RUNX1: variants seen among roughly 807,000 people sequenced by gnomAD.
The protein encoded by RUNX1 is runt-related transcription factor 1.
In RUNX1, 19 loss-of-function variants were observed where a neutral mutation model predicts 42.8. The observed-to-expected ratio is 0.44, with a 90% CI of 0.31 to 0.65. The LOEUF (loss-of-function observed/expected upper bound fraction) is 0.65. RUNX1 is among the 30% of genes least tolerant of loss of function. The pLI is 0.07. For synonymous variants in RUNX1, 271 were observed against 289.4 expected, an observed-to-expected ratio of 0.94 and a Z score of 0.64; for missense variants, 528 against 672.0, an observed-to-expected ratio of 0.79 and a Z score of 2.37.
At chr21:34,894,675 A>G (rs964846029) in intron 2 of RUNX1, among the ~76,000 whole-genome samples, 8 of 152,084 alleles carry the variant, frequency 5.3e-5, no homozygotes, top group African/African-American at 1.7e-4. Flanking sequence ...GCTAGCTTGC[A>G]TGCTCTCTCT....
chr21:35,005,612 C>T (rs1394269516), intron 2 of RUNX1, among the ~76,000 whole-genome samples: 1 of 152,186 alleles, frequency 6.6e-6, no homozygotes, highest in Non-Finnish European at 1.5e-5. Context: ...CATTCATGAT[C>T]CTAGCTATCC....
intron 2 of RUNX1, among the ~76,000 whole-genome samples, chr21:34,900,418 G>C (rs1312831501): frequency 1.3e-5 from 2 of 152,200 alleles, no homozygotes; most frequent in Non-Finnish European, 2.9e-5. Flanking sequence ...GCTTGAGTGA[G>C]CTGTTTTTAA....
intron 2 of RUNX1, among the ~76,000 whole-genome samples, chr21:34,979,040 TTTGA>T (rs1183142207): frequency 2.6e-5 from 4 of 151,252 alleles, no homozygotes; most frequent in Non-Finnish European, 4.4e-5. Context: ...ATCCCTTGAG[TTTGA>T]GAGAGTAAAG....
intron 7 of RUNX1, among the ~76,000 whole-genome samples, chr21:34,817,142 T>A (rs374102488): frequency 6.6e-6 from 1 of 152,128 alleles, no homozygotes; most frequent in African/African-American, 2.4e-5. Context: ...AGTGAGCACA[T>A]TGGGTCTTCA....
At chr21:34,921,724 C>T (rs1384563107) in intron 2 of RUNX1, among the ~76,000 whole-genome samples, 1 of 152,138 alleles carries the variant, frequency 6.6e-6, no homozygotes, top group Non-Finnish European at 1.5e-5. Flanking sequence ...CCTCTGCCTC[C>T]GGGTTCAAGC....
At chr21:34,834,084 G>T in intron 7 of RUNX1, 1 of 537,902 alleles carries the variant, frequency 1.9e-6, no homozygotes, top group Non-Finnish European at 3.5e-6. Flanking sequence ...AAATAGCATA[G>T]CCAAAGCTAA....
intron 5 of RUNX1, among the ~76,000 whole-genome samples, chr21:34,874,139 CT>C (rs2057779350): frequency 1.3e-5 from 2 of 151,858 alleles, no homozygotes; most frequent in African/African-American, 2.4e-5. Context: ...CTCTCTCTCT[CT>C]CTCTCCCCCT....
chr21:34,946,744 T>A (rs532869906), intron 2 of RUNX1, among the ~76,000 whole-genome samples: 1 of 152,278 alleles, frequency 6.6e-6, no homozygotes, highest in South Asian at 2.1e-4. Context: ...CCTACAGACA[T>A]GGATGGGGTG....
At chr21:34,834,783 A>C (rs2057120018) in intron 6 of RUNX1, among the ~76,000 whole-genome samples, 182 bp from the exon 7 acceptor site, 1 of 152,006 alleles carries the variant, frequency 6.6e-6, no homozygotes, top group African/African-American at 2.4e-5. Context: ...CTGTCCTCTC[A>C]GCAGAATGGG....
chr21:34,996,465 T>G (rs1357932136), intron 2 of RUNX1, among the ~76,000 whole-genome samples: 1 of 152,068 alleles, frequency 6.6e-6, no homozygotes, highest in Non-Finnish European at 1.5e-5. Context: ...GTGTCATGCG[T>G]CTGACCTTTT....
In RUNX1 at chr21:35,048,844, C is replaced by T. The variant is rs759078185; in HGVS notation, c.56G>A (p.Arg19Lys). 107 of 1,613,286 alleles carry T rather than the reference C, an allele frequency of 6.6e-5. No homozygotes were observed. Among genetic ancestry groups the T allele is most frequent in the Non-Finnish European group, 8.7e-5 (103 of 1,179,370 alleles). Reference protein sequence around the residue: ...SFPSYPQCFMRECILGMNPSR... With the variant: ...SFPSYPQCFMKECILGMNPSR... Reference sequence around the variant, plus strand: ...TTACAAGACCAGCATGTACTCACCTCTCATGAAGCACTGTGGGTACGAAGG... The same window carrying T: ...TTACAAGACCAGCATGTACTCACCTTTCATGAAGCACTGTGGGTACGAAGG... The change falls in exon 2 of 9, where the codon AGA (arginine) becomes AAA (lysine). Residue 19 changes from arginine to lysine, a missense_variant and splice_region_variant. By Grantham distance (26) the Arg-to-Lys change is conservative (BLOSUM62 2). Around this residue, in one of 3 missense-constraint regions of RUNX1, gnomAD observed 114 missense variants for 115.0 expected, o/e 0.99. Transcript: ENST00000675419.
Position 34,886,829 on chromosome 21 carries a change from C to T in RUNX1, c.351+14G>A, listed in dbSNP as rs1032372190. On this transcript the variant is annotated intron_variant, in intron 4 of 8. Transcript: ENST00000675419. ...CCTCCGCCTGTCCTCCCACCACCCT[C>T]TCCGGGCCAGTACCTTGAAAGCGAT... 1 of 1,612,620 alleles carries T rather than the reference C, an allele frequency of 6.2e-7. No homozygotes were observed.
chr21:34,933,089 G>C (rs899302068), intron 2 of RUNX1, among the ~76,000 whole-genome samples: 6 of 152,200 alleles, frequency 3.9e-5, no homozygotes, highest in Non-Finnish European at 8.8e-5. Flanking sequence ...GTATAATGTG[G>C]TGTGTGTTCA....
chr21:34,867,602 C>A (rs78455051), intron 5 of RUNX1, among the ~76,000 whole-genome samples: 27 of 152,252 alleles, frequency 1.8e-4, no homozygotes, highest in Non-Finnish European at 2.8e-4. Context: ...AGTGGAGGGG[C>A]GGGCCTCTTT....
chr21:35,043,375 G>C (rs893005264), intron 2 of RUNX1, among the ~76,000 whole-genome samples: 2 of 152,180 alleles, frequency 1.3e-5, no homozygotes, highest in African/African-American at 4.8e-5. Flanking sequence ...TGTGGGAAAA[G>C]TGCTTTGAAC....
intron 2 of RUNX1, among the ~76,000 whole-genome samples, chr21:34,974,494 A>G (rs1454931556): frequency 6.6e-6 from 1 of 151,918 alleles, no homozygotes; most frequent in Non-Finnish European, 1.5e-5. Context: ...GAGAGAGCTC[A>G]CTGTGTTTGG....
At chr21:34,896,318 G>C (rs186505361) in intron 2 of RUNX1, among the ~76,000 whole-genome samples, 91 of 152,246 alleles carry the variant, frequency 6.0e-4, no homozygotes, top group African/African-American at 2.2e-3. Context: ...ACATTCCAGG[G>C]TGAGCAGAAG....
chr21:34,847,526 T>C (rs1379141797), intron 6 of RUNX1, among the ~76,000 whole-genome samples: 1 of 152,134 alleles, frequency 6.6e-6, no homozygotes, highest in Admixed American at 6.5e-5. Context: ...TATTATCTAA[T>C]TGACAGACTA....
intron 5 of RUNX1, among the ~76,000 whole-genome samples, chr21:34,864,251 T>C (rs184040587): frequency 1.4e-3 from 216 of 152,312 alleles, no homozygotes; most frequent in African/African-American, 4.2e-3. Flanking sequence ...AATTCCCTCA[T>C]TGAAATGACC....
Sources: allele counts gnomAD v4.1 joint callset (sites outside exome capture counted in the v4.1 genomes callset), GRCh38; gene constraint gnomAD v4.1.1; regional missense constraint gnomAD v4.1.1; transcripts MANE v1.5; gene names NCBI Gene and HGNC (gene_info 2026-07-23, HGNC 2026-07-21).